APOLD1: variants seen among roughly 807,000 people sequenced by gnomAD.
The protein encoded by APOLD1 is apolipoprotein L domain-containing protein 1.
Under a neutral mutation model 15.3 loss-of-function variants are expected in APOLD1, and 22 were observed. The observed-to-expected ratio is 1.44, with a 90% CI of 1.03 to 2.05. The LOEUF (loss-of-function observed/expected upper bound fraction) is 2.05. APOLD1 is among the 30% of genes most tolerant of loss of function. The pLI is 0.00. For missense variants in APOLD1, 394 were observed against 353.5 expected, an observed-to-expected ratio of 1.11 and a Z score of -0.92; for synonymous variants, 190 against 167.4, an observed-to-expected ratio of 1.13 and a Z score of -1.04.
chr12:12,742,840 C>T (rs1016180965), intron 1 of APOLD1, among the ~76,000 whole-genome samples: 9 of 151,862 alleles, frequency 5.9e-5, no homozygotes, highest in Non-Finnish European at 1.2e-4. Context: ...TCTCGGCTTA[C>T]TGCAGCCTTG....
At chr12:12,777,891 T>TTTG in intron 1 of APOLD1, among the ~76,000 whole-genome samples, 3 of 4,888 alleles carry the variant, frequency 6.1e-4, no homozygotes, top group African/African-American at 1.2e-3. Context: ...GGAAAGGTGT[T>TTTG]TTTTTTTTTT....
At chr12:12,777,013 A>C (rs1302981687) in intron 1 of APOLD1, among the ~76,000 whole-genome samples, 1 of 152,240 alleles carries the variant, frequency 6.6e-6, no homozygotes, top group Non-Finnish European at 1.5e-5. Context: ...GTATATAATA[A>C]ACTCCAGGTG....
chr12:12,773,863 T>C (rs1947007027), intron 1 of APOLD1, among the ~76,000 whole-genome samples: 1 of 152,154 alleles, frequency 6.6e-6, no homozygotes, highest in African/African-American at 2.4e-5. Context: ...TTTCAACAAA[T>C]GGTGCTGGAA....
chr12:12,743,896 G>A (rs886995138), intron 1 of APOLD1, among the ~76,000 whole-genome samples: 10 of 152,326 alleles, frequency 6.6e-5, no homozygotes, highest in African/African-American at 2.4e-4. Context: ...GCCTCCAGAA[G>A]CTGGAAGAGG....
chr12:12,749,928 G>C (rs919591915), intron 1 of APOLD1, among the ~76,000 whole-genome samples: 1 of 152,108 alleles, frequency 6.6e-6, no homozygotes, highest in Non-Finnish European at 1.5e-5. Flanking sequence ...CCCTCTACTA[G>C]TAACAATATT....
At chr12:12,730,414 C>T (rs994233530) in intron 1 of APOLD1, among the ~76,000 whole-genome samples, 38 of 152,058 alleles carry the variant, frequency 2.5e-4, no homozygotes, top group African/African-American at 7.0e-4. Flanking sequence ...GGCATGGTGG[C>T]TCACACCTGT....
intron 1 of APOLD1, among the ~76,000 whole-genome samples, chr12:12,726,588 C>A (rs1312006235): frequency 6.6e-6 from 1 of 152,204 alleles, no homozygotes; most frequent in African/African-American, 2.4e-5. Flanking sequence ...CATAGATACA[C>A]ACCTTTTTCT....
upstream of APOLD1, among the ~76,000 whole-genome samples, chr12:12,785,044 CCTTT>C (rs1485259206): frequency 6.6e-6 from 1 of 152,156 alleles, no homozygotes; most frequent in Non-Finnish European, 1.5e-5. Flanking sequence ...TGGAGTGTGC[CCTTT>C]CTGAGACCGC....
intron 1 of APOLD1, among the ~76,000 whole-genome samples, chr12:12,776,638 T>C (rs998077581): frequency 1.3e-5 from 2 of 152,230 alleles, no homozygotes; most frequent in African/African-American, 4.8e-5. Context: ...AACTTTAAAC[T>C]GCACACATTA....
At chr12:12,765,371 T>C (rs1028577409) in intron 1 of APOLD1, among the ~76,000 whole-genome samples, 1 of 152,192 alleles carries the variant, frequency 6.6e-6, no homozygotes, top group Non-Finnish European at 1.5e-5. Context: ...TTTTATATTA[T>C]AGAAATTTGT....
In APOLD1 at chr12:12,787,513, C is replaced by T; in HGVS notation, c.608C>T (p.Ala203Val). 6.2e-7 allele frequency: 1 copy of T among 1,614,060 alleles called. No homozygotes were observed. Among genetic ancestry groups the T allele is most frequent in the Non-Finnish European group, 8.5e-7 (1 of 1,180,046 alleles). ...CTGAAGGCCAAGATTCAGAAACTGG[C>T]CGAGAGCCTGGAGTCCTGCACCGGG... ...AVLKAKIQKL[A>V]ESLESCTGAL... Residue 203 changes from alanine to valine, a missense_variant, in exon 2 of 2, where the codon GCC becomes GTC. Physicochemically the swap from Ala to Val is moderately conservative, Grantham distance 64. Transcript: ENST00000356591. This position sits in a 1 kb window ranked among gnomAD's most constrained non-coding sequence, Gnocchi z 4.9.
intron 1 of APOLD1, among the ~76,000 whole-genome samples, chr12:12,737,268 G>C (rs2136371396): frequency 6.6e-6 from 1 of 152,058 alleles, no homozygotes; most frequent in Non-Finnish European, 1.5e-5. Context: ...ACCTCTGCTG[G>C]CTACAGTGGG....
At chr12:12,756,196 T>C (rs189974437) in intron 1 of APOLD1, among the ~76,000 whole-genome samples, 1 of 152,350 alleles carries the variant, frequency 6.6e-6, no homozygotes, top group African/African-American at 2.4e-5. Flanking sequence ...GCATGGATTT[T>C]GGTTTATGTT....
intron 1 of APOLD1, among the ~76,000 whole-genome samples, chr12:12,729,614 C>T (rs1946620900): frequency 6.6e-6 from 1 of 151,776 alleles, no homozygotes; most frequent in Admixed American, 6.6e-5. Flanking sequence ...CGTAGCAAGA[C>T]CTGTTTCTAA....
At chr12:12,739,364 G>A (rs1344513757) in intron 1 of APOLD1, among the ~76,000 whole-genome samples, 1 of 152,164 alleles carries the variant, frequency 6.6e-6, no homozygotes, top group South Asian at 2.1e-4. Context: ...GGCAAAAGCT[G>A]GAACGGGAAA....
At chr12:12,770,099 A>G (rs911839496) in intron 1 of APOLD1, among the ~76,000 whole-genome samples, 5 of 152,328 alleles carry the variant, frequency 3.3e-5, no homozygotes, top group East Asian at 1.9e-4. Context: ...AATGGAAACT[A>G]TAAAAAGAAC....
upstream of APOLD1, among the ~76,000 whole-genome samples, chr12:12,785,126 A>G (rs576751196): frequency 1.3e-5 from 2 of 152,326 alleles, no homozygotes; most frequent in Admixed American, 1.3e-4. Flanking sequence ...GTGGCCTTGC[A>G]TTCTTAGGAC....
chr12:12,730,009 A>T (rs1946623962), intron 1 of APOLD1, among the ~76,000 whole-genome samples: 1 of 147,766 alleles, frequency 6.8e-6, no homozygotes, highest in African/African-American at 2.5e-5. Context: ...GGTGCACACC[A>T]CCATGCCCAG....
At chr12:12,755,492 T>C (rs1219705010) in intron 1 of APOLD1, among the ~76,000 whole-genome samples, 1 of 152,192 alleles carries the variant, frequency 6.6e-6, no homozygotes, top group African/African-American at 2.4e-5. Context: ...AAAGAAGATA[T>C]TGGTAACAAA....
Sources: allele counts gnomAD v4.1 joint callset (sites outside exome capture counted in the v4.1 genomes callset), GRCh38; gene constraint gnomAD v4.1.1; non-coding constraint Gnocchi (gnomAD v3.1); transcripts MANE v1.5; gene names NCBI Gene and HGNC (gene_info 2026-07-23, HGNC 2026-07-21).